The following SCAF8 variants were observed in gnomAD, a reference collection of about 807,000 sequenced individuals.
SCAF8 encodes SR-related CTD associated factor 8.
SCAF8 carries 23 observed loss-of-function variants against 140.5 expected under a neutral mutation model. The ratio of observed to expected loss-of-function variants is 0.16; its 90% confidence interval spans 0.12 to 0.23. SCAF8 has a LOEUF of 0.23. SCAF8 is among the 10% of genes least tolerant of loss of function. The probability of loss-of-function intolerance (pLI) is 1.00; values close to 1 mark genes in which losing one functional copy is unlikely to be tolerated. For synonymous variants in SCAF8, 575 were observed against 528.9 expected, an observed-to-expected ratio of 1.09 and a Z score of -1.20; for missense variants, 1,397 against 1,555.7, an observed-to-expected ratio of 0.90 and a Z score of 1.72.
In SCAF8 at chr6:154,831,154, AT is replaced by A; in HGVS notation, c.2359+15del. ...ACACCAGATCAGGTAAATAATAATAATAAAATTTAAAAAAAGAGGTTGCCTC... is the reference window on the plus strand; with the variant it reads ...ACACCAGATCAGGTAAATAATAATAAAAAATTTAAAAAAAGAGGTTGCCTC... On this transcript the variant is annotated intron_variant, in intron 19 of 19. Coordinates refer to ENST00000367178, the MANE Select transcript of SCAF8 (RefSeq NM_014892.5). 5 of 1,459,538 alleles carry A rather than the reference AT, an allele frequency of 3.4e-6. No homozygotes were observed. Among genetic ancestry groups the A allele is most frequent in the Non-Finnish European group, 4.6e-6 (5 of 1,077,302 alleles). 90.4% of individuals were successfully genotyped at this position (1,459,538 alleles called of 1,614,324 possible). A position where few individuals can be genotyped will look rare whatever the true frequency, so the allele number is the denominator to read the frequency against.
In SCAF8 at chr6:154,832,476, C is replaced by A; in HGVS notation, c.2897C>A (p.Pro966His). 6.2e-7 allele frequency: 1 copy of A among 1,613,988 alleles called. No individual in the cohort carries two copies. ...SVLDSALHPP[P>H]RGPFPPGDIF... is the part of the protein sequence containing the mutation. ...CTTGATTCAGCTCTTCATCCACCAC[C>A]CCGTGGACCTTTTCCTCCAGGAGAT... is the stretch of plus-strand genomic sequence containing the variant. Residue 966 changes from proline to histidine, a missense_variant, in exon 20 of 20, where the codon CCC (proline) becomes CAC (histidine). Transcript: ENST00000367178.
At chr6:154,811,209 T>C (rs1778079697) in intron 12 of SCAF8, among the ~76,000 whole-genome samples, 1 of 152,178 alleles carries the variant, frequency 6.6e-6, no homozygotes, top group Non-Finnish European at 1.5e-5. Flanking sequence ...TAGTGCTGGC[T>C]GATAAAAGAA....
chr6:154,764,902 T>C (rs1265351410), intron 1 of SCAF8, among the ~76,000 whole-genome samples: 1 of 152,204 alleles, frequency 6.6e-6, no homozygotes, highest in Admixed American at 6.5e-5. Flanking sequence ...AGGTTAACAT[T>C]ATCTGATTAG....
At chr6:154,782,223 G>T (rs1362427395) in intron 3 of SCAF8, among the ~76,000 whole-genome samples, 1 of 152,116 alleles carries the variant, frequency 6.6e-6, no homozygotes, top group Non-Finnish European at 1.5e-5. Context: ...CTGGGCAAAC[G>T]TGGCAAAACC....
chr6:154,778,607 G>A (rs1776983364), intron 3 of SCAF8, among the ~76,000 whole-genome samples: 1 of 151,980 alleles, frequency 6.6e-6, no homozygotes, highest in African/African-American at 2.4e-5. Context: ...TTTACTAAAA[G>A]TACAAAAATT....
rs1777466606 is a variant in SCAF8 at position 154,792,933 on chromosome 6, A to G, written c.432A>G (p.Thr144=). The G allele has an allele frequency of 1.2e-6, 2 of 1,613,776 alleles. No homozygotes were observed. Among genetic ancestry groups the G allele is most frequent in the East Asian group, 2.2e-5 (1 of 44,860 alleles). Residue 144 remains threonine, a synonymous_variant, in exon 5 of 20, where the codon ACA becomes ACG. Transcript: ENST00000367178. The stretch of plus-strand genomic sequence containing the variant: ...CCGGGATTCCGCCTCCAGTTGTCAC[A>G]CCTGTTTTGGCCAGCACTACCACTG... ...MAAGIPPPVV[T]PVLASTTTAM... is the part of the protein sequence containing the mutation.
rs553170320 is a variant in SCAF8, at chr6:154,801,699, G to A, written c.607-272G>A. 2.0e-5 allele frequency among the ~76,000 whole-genome samples: 3 copies of A among 151,556 alleles called. No individual in the cohort carries two copies. In the East Asian group the frequency reaches 5.8e-4, roughly 29 times the overall value. ...CAAGGTAGAGAAATTTAGTGAAAAA[G>A]GTGTCAGCTTGTGATGAGCGCTTTA... On this transcript the variant is annotated intron_variant, in intron 6 of 19. Coordinates refer to ENST00000367178, the MANE Select transcript of SCAF8 (RefSeq NM_014892.5).
At chr6:154,768,840 ATTGCTTGAGCCCAG>A (rs1430429602) in intron 1 of SCAF8, among the ~76,000 whole-genome samples, 1 of 152,138 alleles carries the variant, frequency 6.6e-6, no homozygotes, top group Non-Finnish European at 1.5e-5. Flanking sequence ...AGGTGGGTGG[ATTGCTTGAGCCCAG>A]GTGTTTGAGA....
chr6:154,775,145 C>T (rs1432020899), intron 2 of SCAF8, among the ~76,000 whole-genome samples: 8 of 152,102 alleles, frequency 5.3e-5, no homozygotes, highest in African/African-American at 1.7e-4. Flanking sequence ...TCAGATGATT[C>T]GTTGATTTTG....
At position 154,802,156 on chromosome 6, in the gene SCAF8, T is replaced by C; in HGVS notation, c.783+9T>C. 1 of 1,542,854 alleles carries C rather than the reference T, an allele frequency of 6.5e-7. No homozygotes were observed. The highest frequency in any genetic ancestry group is 8.8e-7 in the Non-Finnish European group (1 of 1,140,374). On this transcript the variant is annotated intron_variant, in intron 7 of 19. Coordinates refer to ENST00000367178, the MANE Select transcript of SCAF8 (RefSeq NM_014892.5). ...GAGTCTCCTTTAACAAGGTAGAAAT[T>C]AAAATATCGGATCAAGTCTATATGA...
intron 1 of SCAF8, among the ~76,000 whole-genome samples, chr6:154,766,007 T>C (rs1246648213): frequency 6.6e-6 from 1 of 152,084 alleles, no homozygotes; most frequent in Non-Finnish European, 1.5e-5. Flanking sequence ...ACCAATAACA[T>C]AAACAGTTGA....
intron 15 of SCAF8, among the ~76,000 whole-genome samples, chr6:154,821,068 C>G (rs938782664): frequency 6.6e-6 from 1 of 152,122 alleles, no homozygotes; most frequent in Non-Finnish European, 1.5e-5. Flanking sequence ...CACCCCACCC[C>G]GCCAATGGCT....
chr6:154,770,386 A>ACTCTCT (rs1195298497), intron 1 of SCAF8, among the ~76,000 whole-genome samples: 23 of 133,504 alleles, frequency 1.7e-4, no homozygotes, highest in African/African-American at 5.3e-4. Context: ...ACACACACAC[A>ACTCTCT]CACTCTCTCT....
intron 4 of SCAF8, among the ~76,000 whole-genome samples, chr6:154,791,717 C>G (rs889403193): frequency 2.0e-5 from 3 of 152,104 alleles, no homozygotes; most frequent in African/African-American, 7.2e-5. Context: ...GTAAATATTT[C>G]ATGAATTTTA....
Position 154,832,555 on chromosome 6 carries a change from C to T in SCAF8, c.2976C>T (p.Asp992=), listed in dbSNP as rs914947579. ...PFLAPGRQSV[D]NVTNPEKRIP... The stretch of plus-strand genomic sequence containing the variant: ...TAGCTCCTGGAAGACAAAGCGTAGA[C>T]AATGTTACTAACCCAGAAAAAAGGA... The change falls in exon 20 of 20, where the codon GAC becomes GAT. Residue 992 remains aspartate, a synonymous_variant. Coordinates refer to ENST00000367178, the MANE Select transcript of SCAF8 (RefSeq NM_014892.5). The T allele has an allele frequency of 2.0e-5, 33 of 1,613,940 alleles. No homozygotes were observed. The highest frequency in any genetic ancestry group is 2.8e-5 in the Non-Finnish European group (33 of 1,180,014).
chr6:154,787,760 G>A (rs1777294753), intron 3 of SCAF8, 101 bp from the exon 4 acceptor site: 1 of 891,252 alleles, frequency 1.1e-6, no homozygotes, highest in Admixed American at 2.4e-5. Context: ...CCATAGCATA[G>A]GCAATGTCTT....
chr6:154,782,490 A>G (rs1459112163), intron 3 of SCAF8, among the ~76,000 whole-genome samples: 2 of 152,156 alleles, frequency 1.3e-5, no homozygotes, highest in African/African-American at 4.8e-5. Context: ...TTAGAAACAG[A>G]TAAGGAAACT....
intron 1 of SCAF8, among the ~76,000 whole-genome samples, chr6:154,748,555 A>G (rs1379477677): frequency 2.0e-5 from 3 of 152,098 alleles, no homozygotes; most frequent in Admixed American, 6.5e-5. Flanking sequence ...AATGACTTCT[A>G]TAAGTGGTTT....
At chr6:154,824,096 A>G (rs1778495704) in intron 16 of SCAF8, 138 bp from the exon 17 acceptor site, 1 of 768,804 alleles carries the variant, frequency 1.3e-6, no homozygotes, top group Admixed American at 2.5e-5. Flanking sequence ...ACTTGCAAGT[A>G]TACAAAAAGG....
Sources: allele counts gnomAD v4.1 joint callset (sites outside exome capture counted in the v4.1 genomes callset), GRCh38; gene constraint gnomAD v4.1.1; transcripts MANE v1.5; gene names NCBI Gene and HGNC (gene_info 2026-07-23, HGNC 2026-07-21).